RASSF8: variants seen among roughly 807,000 people sequenced by gnomAD.
The protein encoded by RASSF8 is ras association domain-containing protein 8.
Under a neutral mutation model 48.5 loss-of-function variants are expected in RASSF8, and 22 were observed. The ratio of observed to expected loss-of-function variants is 0.45; its 90% CI spans 0.32 to 0.65. The LOEUF (loss-of-function observed/expected upper bound fraction) is 0.65. RASSF8 is among the 30% of genes least tolerant of loss of function. RASSF8 has a pLI of 0.03. For missense variants in RASSF8, 418 were observed against 489.2 expected, an observed-to-expected ratio of 0.85 and a Z score of 1.37; for synonymous variants, 127 against 171.5, an observed-to-expected ratio of 0.74 and a Z score of 2.03.
At chr12:26,007,155 G>A (rs1004617775) in intron 2 of RASSF8, among the ~76,000 whole-genome samples, 4 of 152,070 alleles carry the variant, frequency 2.6e-5, no homozygotes, top group African/African-American at 4.8e-5. Flanking sequence ...AGCTCATAGT[G>A]AGAACTCACT....
chr12:25,996,879 A>G (rs182744131), intron 2 of RASSF8, among the ~76,000 whole-genome samples: 25 of 152,296 alleles, frequency 1.6e-4, no homozygotes, highest in Admixed American at 1.2e-3. Context: ...TGAAACATCC[A>G]GTTCTAGTCA....
intron 3 of RASSF8, among the ~76,000 whole-genome samples, chr12:26,056,947 A>G (rs2137251241): frequency 6.6e-6 from 1 of 152,008 alleles, no homozygotes; most frequent in South Asian, 2.1e-4. Context: ...TTCTTAGTGA[A>G]GACTACGTTT....
At chr12:26,041,225 C>T (rs977554823) in intron 2 of RASSF8, among the ~76,000 whole-genome samples, 1 of 152,094 alleles carries the variant, frequency 6.6e-6, no homozygotes, top group African/African-American at 2.4e-5. Flanking sequence ...TTTATTTAAT[C>T]TGTCCTTTCT....
rs538237411 is a variant in RASSF8, at chr12:26,072,323, A to G, written c.*3505A>G. 1,226 of 985,444 alleles carry G rather than the reference A, an allele frequency of 1.2e-3. 1 individual carries two copies. The highest frequency in any genetic ancestry group is 1.4e-3 in the Non-Finnish European group (1,179 of 829,910). 61.0% of individuals were successfully genotyped at this position (985,444 alleles called of 1,614,324 possible). A position where few individuals can be genotyped will look rare whatever the true frequency, so the allele number is the denominator to read the frequency against. ...AGGCCATCAGCTGTATCAAAAAGAC[A>G]AAACAATCACTATTTATTCAGTATT... is the stretch of plus-strand genomic sequence containing the variant. On this transcript the variant is annotated 3_prime_UTR_variant, in exon 6 of 6. Coordinates refer to ENST00000689635, the MANE Select transcript of RASSF8 (RefSeq NM_001394098.1).
rs1049514591 is a variant in RASSF8, at chr12:26,072,796, A to G, written c.*3978A>G. 9 of 920,136 alleles carry G rather than the reference A, an allele frequency of 9.8e-6. No homozygotes were observed. The highest frequency in any genetic ancestry group is 6.2e-5 in the Admixed American group (1 of 16,162). 57.0% of individuals were successfully genotyped at this position (920,136 alleles called of 1,614,324 possible). Reference sequence around the variant, plus strand: ...CATTTTAAATGTATATTTTCTGATCATTATGAGCTGTAAAACAAAGAATCA... The same window carrying G: ...CATTTTAAATGTATATTTTCTGATCGTTATGAGCTGTAAAACAAAGAATCA... On this transcript the variant is annotated 3_prime_UTR_variant, in exon 6 of 6. Coordinates refer to ENST00000689635, the MANE Select transcript of RASSF8 (RefSeq NM_001394098.1).
chr12:26,048,971 C>T (rs953874817), intron 2 of RASSF8, among the ~76,000 whole-genome samples: 11 of 151,892 alleles, frequency 7.2e-5, no homozygotes, highest in Non-Finnish European at 1.3e-4. Context: ...TTGGCCAGGC[C>T]GGTCTCGAAC....
chr12:26,036,280 A>G (rs563701492), intron 2 of RASSF8, among the ~76,000 whole-genome samples: 7 of 152,110 alleles, frequency 4.6e-5, no homozygotes, highest in African/African-American at 1.4e-4. Context: ...GGGGAAACCA[A>G]TGGCTTCTGT....
intron 2 of RASSF8, among the ~76,000 whole-genome samples, chr12:26,033,017 T>C (rs1021131909): frequency 6.6e-6 from 1 of 152,198 alleles, no homozygotes; most frequent in African/African-American, 2.4e-5. Context: ...GTGATCTTGT[T>C]TTCAAGCAGG....
In RASSF8 at chr12:26,067,509, A is replaced by G. The variant is rs1490420426; in HGVS notation, c.994-60A>G. On this transcript the variant is annotated intron_variant, in intron 4 of 5. Coordinates refer to ENST00000689635, the MANE Select transcript of RASSF8 (RefSeq NM_001394098.1). The stretch of plus-strand genomic sequence containing the variant: ...CTGTAGCAGATGGATCCTCACAAAG[A>G]TGTCTTGCACTGTCCAGTAGTGAAT... The G allele has an allele frequency of 2.7e-6, 4 of 1,474,740 alleles. No homozygotes were observed. The South Asian group carries it at 3.7e-5, about 14-fold the overall frequency. The allele number at this position is 1,474,740 out of a possible 1,614,324, so 91.4% of individuals were successfully genotyped here.
chr12:25,962,054 G>GA (rs35442873), intron 1 of RASSF8, among the ~76,000 whole-genome samples: 4 of 150,920 alleles, frequency 2.7e-5, no homozygotes, highest in Admixed American at 6.6e-5. Context: ...CCAGCAGCCT[G>GA]AAAAAAAAAA....
intron 3 of RASSF8, among the ~76,000 whole-genome samples, chr12:26,059,328 C>A (rs1209478546): frequency 1.3e-5 from 2 of 152,084 alleles, no homozygotes; most frequent in Non-Finnish European, 2.9e-5. Flanking sequence ...ATTGAGAAGA[C>A]AAGGAAAGAA....
intron 2 of RASSF8, among the ~76,000 whole-genome samples, chr12:26,034,015 G>A (rs936745537): frequency 1.3e-5 from 2 of 152,052 alleles, no homozygotes; most frequent in African/African-American, 2.4e-5. Flanking sequence ...CCATCATGTC[G>A]ACCAGACCCC....
chr12:26,045,840 T>C (rs1267038817), intron 2 of RASSF8, among the ~76,000 whole-genome samples: 1 of 152,234 alleles, frequency 6.6e-6, no homozygotes, highest in Non-Finnish European at 1.5e-5. Flanking sequence ...TTTTAAATAT[T>C]AAATTAAGGA....
intron 1 of RASSF8, among the ~76,000 whole-genome samples, chr12:25,986,470 A>G (rs4963644): frequency 0.11 from 17,000 of 152,186 alleles, 1,270 homozygotes; most frequent in Admixed American, 0.19. Context: ...TTGAAGCCTT[A>G]ATTTCATACA....
At chr12:26,024,946 G>T (rs981161918) in intron 2 of RASSF8, among the ~76,000 whole-genome samples, 1 of 151,880 alleles carries the variant, frequency 6.6e-6, no homozygotes, top group Admixed American at 6.6e-5. Flanking sequence ...GCAACAGAGC[G>T]AGACTCCGTC....
intron 2 of RASSF8, among the ~76,000 whole-genome samples, chr12:26,051,101 A>C (rs781711965): frequency 6.6e-6 from 1 of 152,186 alleles, no homozygotes; most frequent in Non-Finnish European, 1.5e-5. Flanking sequence ...GTCCCAAATT[A>C]CTAGATTTTT....
Position 26,069,213 on chromosome 12 carries a change from T to A in RASSF8, c.*395T>A, listed in dbSNP as rs747208042. On this transcript the variant is annotated 3_prime_UTR_variant, in exon 6 of 6. Coordinates refer to ENST00000689635, the MANE Select transcript of RASSF8 (RefSeq NM_001394098.1). ...CAATGTGTGAATGTTGATGTTTTAA[T>A]ATTTTTATTGACTTATCCTGTGACT... 25 of 970,606 alleles carry A rather than the reference T, an allele frequency of 2.6e-5. No homozygotes were observed. The highest frequency in any genetic ancestry group is 2.9e-5 in the Non-Finnish European group (24 of 821,202). The allele number at this position is 970,606 out of a possible 1,614,324, so 60.1% of individuals were successfully genotyped here.
chr12:26,045,068 C>T (rs1032860349), intron 2 of RASSF8, among the ~76,000 whole-genome samples: 5 of 152,060 alleles, frequency 3.3e-5, no homozygotes, highest in Admixed American at 3.3e-4. Context: ...CTTAGATTTT[C>T]TTCAGAAAAC....
At chr12:26,006,541 G>C (rs958319348) in intron 2 of RASSF8, among the ~76,000 whole-genome samples, 3 of 152,126 alleles carry the variant, frequency 2.0e-5, no homozygotes, top group Non-Finnish European at 2.9e-5. Context: ...CGCTCTAGAC[G>C]TGGACTACAT....
Sources: gnomAD v4.1 joint callset for allele counts (sites outside exome capture counted in the v4.1 genomes callset) on GRCh38, gnomAD v4.1.1 for gene constraint, MANE v1.5 for transcripts, NCBI Gene and HGNC (gene_info 2026-07-23, HGNC 2026-07-21) for gene names.